Variants in KAZN observed in about 807,000 individuals in gnomAD.
The protein encoded by KAZN is kazrin, periplakin interacting protein, also known as kazrin.
KAZN carries 40 observed loss-of-function variants against 87.4 expected under a neutral mutation model. The observed-to-expected ratio is 0.46, with a 90% CI of 0.36 to 0.60. The LOEUF (loss-of-function observed/expected upper bound fraction) is 0.60. Ranked by LOEUF, KAZN falls within the 20% of genes least tolerant of loss-of-function variation. The pLI is 0.00. For synonymous variants in KAZN, 466 were observed against 458.3 expected (o/e 1.02, Z -0.22); for missense variants, 898 against 1,073.9 (o/e 0.84, Z 2.29).
intron 1 of KAZN, among the ~76,000 whole-genome samples, chr1:14,161,268 G>A (rs1019336798): frequency 2.6e-5 from 4 of 152,176 alleles, no homozygotes; most frequent in Non-Finnish European, 5.9e-5. Flanking sequence ...ATCTCACAAT[G>A]TCTATGGGGC....
At chr1:14,137,123 G>T (rs1422904202) in intron 1 of KAZN, among the ~76,000 whole-genome samples, 2 of 152,306 alleles carry the variant, frequency 1.3e-5, no homozygotes, top group Non-Finnish European at 2.9e-5. Context: ...AAGTCAAAGG[G>T]AAACGCTTTC....
At chr1:14,182,145 G>A (rs182136701) in intron 2 of KAZN, among the ~76,000 whole-genome samples, 5 of 152,030 alleles carry the variant, frequency 3.3e-5, no homozygotes, top group African/African-American at 9.6e-5. Context: ...TGTAGTCATC[G>A]TGTAGGAATA....
At chr1:14,917,276 T>C (rs1005213650) in intron 1 of KAZN, among the ~76,000 whole-genome samples, 2 of 152,184 alleles carry the variant, frequency 1.3e-5, no homozygotes, top group African/African-American at 4.8e-5. Flanking sequence ...TCCTTCCCGA[T>C]GCACCTGGGG....
chr1:14,976,724 G>T (rs1331639211), intron 2 of KAZN, among the ~76,000 whole-genome samples: 2 of 152,198 alleles, frequency 1.3e-5, no homozygotes, highest in African/African-American at 2.4e-5. Context: ...TGGGTGCCCA[G>T]CACTGGGCTG....
At chr1:14,406,541 GA>G (rs1663867495) in intron 2 of KAZN, among the ~76,000 whole-genome samples, 1 of 152,116 alleles carries the variant, frequency 6.6e-6, no homozygotes, top group Non-Finnish European at 1.5e-5. Context: ...AACTCGAGGG[GA>G]AAGGATGGGA....
intron 2 of KAZN, among the ~76,000 whole-genome samples, chr1:14,409,910 A>C (rs1326063946): frequency 6.6e-6 from 1 of 152,204 alleles, no homozygotes; most frequent in East Asian, 1.9e-4. Flanking sequence ...AGATTTTTTA[A>C]ATAATCAAAT....
rs112018975 is a variant in KAZN at position 14,213,838 on chromosome 1, C to T, written c.249+33246C>T. 6.2e-4 allele frequency among the ~76,000 whole-genome samples: 94 copies of T among 152,216 alleles called. 1 individual carries two copies. The highest frequency in any genetic ancestry group is 2.1e-3 in the African/African-American group (88 of 41,542). On this transcript the variant is annotated intron_variant, in intron 2 of 16. Transcript: ENST00000636203. Reference sequence around the variant, plus strand: ...GCCCAGAGGACAGCTGGTAGTGGCTCAGATTAGCACAGTAGCAGTAGAAGT... The same window carrying T: ...GCCCAGAGGACAGCTGGTAGTGGCTTAGATTAGCACAGTAGCAGTAGAAGT...
At chr1:14,878,890 G>A (rs1022995937) in intron 1 of KAZN, among the ~76,000 whole-genome samples, 3 of 152,182 alleles carry the variant, frequency 2.0e-5, no homozygotes, top group Admixed American at 1.3e-4. Context: ...GGTTGATATC[G>A]ATCTAGTTCC....
chr1:14,217,108 C>T (rs990656308), intron 2 of KAZN, among the ~76,000 whole-genome samples: 1 of 152,036 alleles, frequency 6.6e-6, no homozygotes, highest in Non-Finnish European at 1.5e-5. Context: ...AAAGTTCAGC[C>T]TCCTTTCCCT....
chr1:14,366,874 T>A (rs1045512768), intron 2 of KAZN, among the ~76,000 whole-genome samples: 6 of 152,166 alleles, frequency 3.9e-5, no homozygotes, highest in African/African-American at 1.4e-4. Flanking sequence ...TTGTTCAGCA[T>A]CCAGGAAAAA....
At chr1:14,848,454 A>G (rs965129884) in intron 1 of KAZN, among the ~76,000 whole-genome samples, 6 of 152,364 alleles carry the variant, frequency 3.9e-5, no homozygotes, top group Non-Finnish European at 7.3e-5. Context: ...TGGGGTGAAC[A>G]CAAGCTGGCA....
chr1:14,885,135 T>C (rs1325966631), intron 1 of KAZN, among the ~76,000 whole-genome samples: 1 of 152,116 alleles, frequency 6.6e-6, no homozygotes, highest in African/African-American at 2.4e-5. Flanking sequence ...TCAACAAAAA[T>C]AACATTACCT....
intron 1 of KAZN, among the ~76,000 whole-genome samples, chr1:14,911,678 G>A (rs1657266924): frequency 6.6e-6 from 1 of 152,176 alleles, no homozygotes; most frequent in Admixed American, 6.5e-5. Context: ...GAGGTGCCCA[G>A]GGCCACAGGA....
rs186493127 is a variant in KAZN at position 15,038,853 on chromosome 1, A to G, written c.555+3968A>G. Among the ~76,000 whole-genome samples, 405 of 105,328 alleles carry G rather than the reference A, an allele frequency of 3.8e-3. 4 individuals are homozygous for G. Among genetic ancestry groups the G allele is most frequent in the Non-Finnish European group, 6.9e-3 (318 of 46,090 alleles). 69.1% of individuals were successfully genotyped at this position (105,328 alleles called of 152,430 possible). ...CAGACATGAATGTGCTATTACCAAC[A>G]GCAGACGTTTATTGTGCACCTACTG... On this transcript the variant is annotated intron_variant, in intron 3 of 14. Transcript: ENST00000376030.
Position 14,378,311 on chromosome 1 carries a change from AG to A in KAZN, c.249+197720del, listed in dbSNP as rs574171249. 2.5e-3 allele frequency among the ~76,000 whole-genome samples: 341 copies of A among 138,156 alleles called. 2 individuals carry two copies. Among genetic ancestry groups the A allele is most frequent in the Non-Finnish European group, 4.3e-3 (253 of 58,602 alleles). The allele number at this position is 138,156 out of a possible 152,430, so 90.6% of individuals were successfully genotyped here. Reference sequence around the variant, plus strand: ...TACAATAAAAGGCTTATCCTTTAAAAGAAAAGTAAACGGGAGGAGGAGCAGA... The same window carrying A: ...TACAATAAAAGGCTTATCCTTTAAAAAAAAGTAAACGGGAGGAGGAGCAGA... On this transcript the variant is annotated intron_variant, in intron 2 of 16. Transcript: ENST00000636203.
intron 1 of KAZN, among the ~76,000 whole-genome samples, chr1:14,617,551 G>A (rs1378976288): frequency 6.6e-6 from 1 of 152,178 alleles, no homozygotes; most frequent in Non-Finnish European, 1.5e-5. Context: ...GTAAAACAAG[G>A]TTTGCCTGTA....
chr1:13,979,035 G>A (rs147640699), intron 1 of KAZN, among the ~76,000 whole-genome samples: 2,021 of 152,026 alleles, frequency 0.013, 43 homozygotes, highest in African/African-American at 0.045. Context: ...GGTTGAGGCT[G>A]CAGTGAGCCG....
chr1:14,916,560 G>C (rs1031769650), intron 1 of KAZN, among the ~76,000 whole-genome samples: 1 of 152,164 alleles, frequency 6.6e-6, no homozygotes, highest in African/African-American at 2.4e-5. Flanking sequence ...AAGGGACTTA[G>C]AAAAGGTGAG....
At chr1:14,746,724 G>T (rs1024011076) in intron 1 of KAZN, among the ~76,000 whole-genome samples, 1 of 152,116 alleles carries the variant, frequency 6.6e-6, no homozygotes, top group East Asian at 1.9e-4. Flanking sequence ...ATGGGGTGTG[G>T]GTTTTAGTCA....
Sources: gnomAD v4.1 joint callset for allele counts (sites outside exome capture counted in the v4.1 genomes callset) on GRCh38, gnomAD v4.1.1 for gene constraint, MANE v1.5 for transcripts, NCBI Gene and HGNC (gene_info 2026-07-23, HGNC 2026-07-21) for gene names.